COPG2: variants seen among roughly 807,000 people sequenced by gnomAD.
COPG2 encodes coatomer subunit gamma-2.
In COPG2, 37 loss-of-function variants were observed where a neutral mutation model predicts 46.3. The observed-to-expected ratio is 0.80, with a 90% confidence interval of 0.61 to 1.05. COPG2 has a LOEUF of 1.05. Among genes scored for constraint, COPG2 ranks in the 50% least tolerant of loss-of-function variants. The pLI is 0.00. For missense variants in COPG2, 427 were observed against 387.8 expected, an observed-to-expected ratio of 1.10 and a Z score of -0.85; for synonymous variants, 159 against 129.7, an observed-to-expected ratio of 1.23 and a Z score of -1.53.
intron 9 of COPG2, chr7:130,605,162 T>C (rs143475706): frequency 2.6e-4 from 137 of 518,118 alleles, no homozygotes; most frequent in African/African-American, 2.4e-3. Flanking sequence ...TTTCTCTCTG[T>C]TCTTCAAACT....
At chr7:130,508,490 T>G in intron 21 of COPG2, 72 bp downstream of exon 21, 1 of 686,148 alleles carries the variant, frequency 1.5e-6, no homozygotes, top group South Asian at 1.6e-5. Context: ...CCTAGAAAAA[T>G]GTTCTCTCAA....
intron 4 of COPG2, among the ~76,000 whole-genome samples, chr7:130,654,803 TCTA>T (rs1438831994): frequency 2.6e-5 from 4 of 151,300 alleles, no homozygotes; most frequent in African/African-American, 9.7e-5. Flanking sequence ...ATTTTGGACT[TCTA>T]CTGCTGTCTT....
At chr7:130,544,712 G>A (rs1024831279) in intron 20 of COPG2, among the ~76,000 whole-genome samples, 2 of 152,064 alleles carry the variant, frequency 1.3e-5, no homozygotes, top group African/African-American at 2.4e-5. Flanking sequence ...AATATTCAGG[G>A]GAAACAGAGC....
intron 9 of COPG2, among the ~76,000 whole-genome samples, chr7:130,578,992 A>G (rs1420641716): frequency 1.4e-5 from 2 of 140,690 alleles, no homozygotes; most frequent in African/African-American, 5.4e-5. Context: ...CAGGAAATAC[A>G]GAGAACGCCA....
At chr7:130,555,296 T>C (rs1032182250) in intron 12 of COPG2, among the ~76,000 whole-genome samples, 164 bp from the exon 13 acceptor site, 147 of 152,310 alleles carry the variant, frequency 9.7e-4, no homozygotes, top group African/African-American at 3.2e-3. Context: ...ATGACAATAA[T>C]TGTTCTTCAT....
At chr7:130,538,894 G>A (rs1350110042) in intron 20 of COPG2, among the ~76,000 whole-genome samples, 1 of 152,112 alleles carries the variant, frequency 6.6e-6, no homozygotes, top group East Asian at 1.9e-4. Context: ...CAGTGAAGTA[G>A]GAAGCGGGGG....
At chr7:130,601,664 G>A (rs536770756) in intron 9 of COPG2, among the ~76,000 whole-genome samples, 65 of 152,102 alleles carry the variant, frequency 4.3e-4, no homozygotes, top group Non-Finnish European at 7.5e-4. Context: ...GGGGCCTGTC[G>A]CGGGTGGGAA....
chr7:130,550,471 T>C (rs1162985901), intron 17 of COPG2, 53 bp downstream of exon 17: 1 of 332,414 alleles, frequency 3.0e-6, no homozygotes, highest in African/African-American at 2.4e-5. Context: ...AATATGCTAA[T>C]ATTTTTTAGT....
chr7:130,668,473 C>G (rs1796145450), intron 1 of COPG2, among the ~76,000 whole-genome samples, 159 bp downstream of exon 1: 1 of 149,406 alleles, frequency 6.7e-6, no homozygotes, highest in Non-Finnish European at 1.5e-5. Flanking sequence ...GGGCAGGCCC[C>G]GGGCAGCCGC....
At chr7:130,605,707 C>T (rs782430994) in intron 9 of COPG2, 2 of 518,672 alleles carry the variant, frequency 3.9e-6, no homozygotes, top group Non-Finnish European at 7.7e-6. Flanking sequence ...ATGAATTTGG[C>T]CAACGACTTA....
chr7:130,637,314 G>A (rs1168375356), intron 5 of COPG2, among the ~76,000 whole-genome samples: 1 of 152,230 alleles, frequency 6.6e-6, no homozygotes, highest in Non-Finnish European at 1.5e-5. Context: ...ATCCTGAAGA[G>A]TGTTTTCCAA....
intron 17 of COPG2, among the ~76,000 whole-genome samples, chr7:130,549,902 T>C (rs1373643313): frequency 6.6e-6 from 1 of 152,122 alleles, no homozygotes; most frequent in African/African-American, 2.4e-5. Flanking sequence ...TCAATTAACT[T>C]AGAGATTATC....
intron 8 of COPG2, among the ~76,000 whole-genome samples, 187 bp from the exon 9 acceptor site, chr7:130,611,297 C>A (rs140214512): frequency 1.3e-5 from 2 of 152,274 alleles, no homozygotes; most frequent in African/African-American, 2.4e-5. Context: ...TTCTAATTTA[C>A]CCCTAGAAGC....
chr7:130,510,488 GAC>G (rs1420878719), intron 20 of COPG2, among the ~76,000 whole-genome samples: 29 of 152,256 alleles, frequency 1.9e-4, no homozygotes, highest in African/African-American at 6.7e-4. Flanking sequence ...AGTCAGGAGA[GAC>G]ATTAATTATA....
At chr7:130,520,583 T>A (rs1799715932) in intron 20 of COPG2, among the ~76,000 whole-genome samples, 1 of 152,208 alleles carries the variant, frequency 6.6e-6, no homozygotes. Flanking sequence ...ACAAAAACTT[T>A]TAGCTTGCAC....
intron 20 of COPG2, among the ~76,000 whole-genome samples, chr7:130,541,136 A>T (rs1445964294): frequency 6.6e-6 from 1 of 152,188 alleles, no homozygotes; most frequent in East Asian, 1.9e-4. Context: ...GTGGGAACAC[A>T]GTTCCCGACA....
rs533832569 is a variant in COPG2, at chr7:130,570,491, C to T, written c.738-6098G>A. On this transcript the variant is annotated intron_variant, in intron 9 of 23. Transcript: ENST00000425248. ...ATAAAATACTTAGGAATATATCTAA[C>T]CAAGGAGGTGAAAGATTTCTACAAG... Among the ~76,000 whole-genome samples, 22 of 152,222 alleles carry T rather than the reference C, an allele frequency of 1.4e-4. No individual in the cohort carries two copies. In the South Asian group the frequency reaches 4.6e-3, roughly 32 times the overall value.
intron 5 of COPG2, among the ~76,000 whole-genome samples, chr7:130,635,227 A>C (rs1701716044): frequency 1.3e-5 from 2 of 151,992 alleles, no homozygotes; most frequent in Non-Finnish European, 2.9e-5. Context: ...GGCCTCATAA[A>C]ATGAGTTAGG....
intron 9 of COPG2, among the ~76,000 whole-genome samples, chr7:130,592,579 C>T (rs1794453156): frequency 6.6e-6 from 1 of 151,894 alleles, no homozygotes; most frequent in Non-Finnish European, 1.5e-5. Flanking sequence ...AATCAATAAA[C>T]TAGGAATAAA....
Sources: allele counts gnomAD v4.1 joint callset (sites outside exome capture counted in the v4.1 genomes callset), GRCh38; gene constraint gnomAD v4.1.1; transcripts MANE v1.5; gene names NCBI Gene and HGNC (gene_info 2026-07-23, HGNC 2026-07-21).